Variants in ABL1 observed in about 807,000 individuals in gnomAD.
ABL1 encodes ABL proto-oncogene 1, non-receptor tyrosine kinase, also known as tyrosine-protein kinase ABL1.
A neutral mutation model predicts 94.7 loss-of-function variants in ABL1; 11 were observed. The ratio of observed to expected loss-of-function variants is 0.12; its 90% confidence interval spans 0.07 to 0.19. ABL1 has a LOEUF of 0.19. ABL1 is among the 10% of genes least tolerant of loss of function. ABL1 has a pLI of 1.00. For missense variants in ABL1, 1,082 were observed against 1,489.4 expected, an observed-to-expected ratio of 0.73 and a Z score of 4.50; for synonymous variants, 656 against 622.4, an observed-to-expected ratio of 1.05 and a Z score of -0.80.
At chr9:130,870,911 G>T (rs1452047813) in intron 4 of ABL1, among the ~76,000 whole-genome samples, 1 of 152,162 alleles carries the variant, frequency 6.6e-6, no homozygotes, top group Non-Finnish European at 1.5e-5. Flanking sequence ...AGGTTGGCCC[G>T]TCCTCTGGAA....
intron 1 of ABL1, among the ~76,000 whole-genome samples, chr9:130,799,576 G>C (rs1212648859): frequency 6.6e-6 from 1 of 152,144 alleles, no homozygotes; most frequent in Non-Finnish European, 1.5e-5. Context: ...ATACGGATTA[G>C]ATAATGGCAC....
intron 1 of ABL1, among the ~76,000 whole-genome samples, chr9:130,769,723 T>G (rs1475098829): frequency 1.3e-5 from 2 of 152,136 alleles, no homozygotes; most frequent in Non-Finnish European, 2.9e-5. Flanking sequence ...TTCCCCTTCT[T>G]TATTATACAG....
intron 1 of ABL1, among the ~76,000 whole-genome samples, chr9:130,741,585 AAC>A (rs1291861771): frequency 5.9e-5 from 9 of 151,898 alleles, no homozygotes; most frequent in Admixed American, 5.9e-4. Context: ...ATGCCAGAGT[AAC>A]AGTTACAGCA....
chr9:130,787,562 G>A (rs762054568), intron 1 of ABL1, among the ~76,000 whole-genome samples: 13 of 152,098 alleles, frequency 8.5e-5, no homozygotes, highest in African/African-American at 1.2e-4. Flanking sequence ...AGTGGATTAC[G>A]GCTTTTGCAT....
chr9:130,764,705 C>T (rs949587559), intron 1 of ABL1, among the ~76,000 whole-genome samples: 5 of 152,168 alleles, frequency 3.3e-5, no homozygotes, highest in African/African-American at 1.2e-4. Context: ...TGCCTGTAAT[C>T]CCAGCACTTT....
At chr9:130,855,878 G>A (rs1048775212) in intron 3 of ABL1, among the ~76,000 whole-genome samples, 3 of 152,098 alleles carry the variant, frequency 2.0e-5, no homozygotes, top group Non-Finnish European at 4.4e-5. Context: ...CTGTAGTTGA[G>A]GTACAGTGTT....
chr9:130,856,303 G>T (rs898486086), intron 3 of ABL1, among the ~76,000 whole-genome samples: 1 of 152,120 alleles, frequency 6.6e-6, no homozygotes, highest in Admixed American at 6.5e-5. Flanking sequence ...GGTCAGGCTG[G>T]TCTCAAACTC....
chr9:130,735,962 T>TG (rs1554757971), intron 1 of ABL1, among the ~76,000 whole-genome samples: 2 of 48,696 alleles, frequency 4.1e-5, no homozygotes, highest in Non-Finnish European at 6.2e-5. Context: ...TATATATATA[T>TG]TTTTTTTTTT....
chr9:130,868,960 G>A (rs1831204894), intron 4 of ABL1, among the ~76,000 whole-genome samples: 1 of 151,852 alleles, frequency 6.6e-6, no homozygotes, highest in African/African-American at 2.4e-5. Flanking sequence ...AAGGTCAGGA[G>A]ATCAAGACCA....
rs528489853 is a variant in ABL1, at chr9:130,714,936, AC to A, written c.136+483del. The stretch of plus-strand genomic sequence containing the variant: ...ATACTGGTTGACGCTAATATCCTTG[AC>A]CTTTTCCTTCGTAAGTAGGACTTGA... On this transcript the variant is annotated intron_variant, in intron 1 of 10. Transcript: ENST00000372348. 1.1e-3 allele frequency among the ~76,000 whole-genome samples: 160 copies of A among 152,286 alleles called. 1 individual carries two copies. Among genetic ancestry groups the A allele is most frequent in the Middle Eastern group, 3.4e-3 (1 of 294 alleles).
At chr9:130,851,259 T>C (rs139431159) in intron 1 of ABL1, among the ~76,000 whole-genome samples, 1 of 152,286 alleles carries the variant, frequency 6.6e-6, no homozygotes, top group African/African-American at 2.4e-5. Flanking sequence ...GGGCCAAACA[T>C]ATGACTAAGC....
At chr9:130,851,592 A>T (rs957922257) in intron 1 of ABL1, among the ~76,000 whole-genome samples, 8 of 151,924 alleles carry the variant, frequency 5.3e-5, no homozygotes, top group African/African-American at 1.9e-4. Flanking sequence ...TTTTTTAAAG[A>T]TAATTCAGAA....
chr9:130,864,951 G>A (rs1043806197), intron 4 of ABL1, among the ~76,000 whole-genome samples: 3 of 152,126 alleles, frequency 2.0e-5, no homozygotes, highest in Non-Finnish European at 4.4e-5. Flanking sequence ...TTCCAAGATC[G>A]GGTTGTACAA....
At chr9:130,763,916 A>C (rs1832148682) in intron 1 of ABL1, among the ~76,000 whole-genome samples, 1 of 152,184 alleles carries the variant, frequency 6.6e-6, no homozygotes, top group Admixed American at 6.5e-5. Context: ...TGAGCATCAT[A>C]ATGGCACGTG....
chr9:130,760,205 C>G (rs1389816363), intron 1 of ABL1, among the ~76,000 whole-genome samples: 2 of 152,032 alleles, frequency 1.3e-5, no homozygotes, highest in African/African-American at 4.8e-5. Flanking sequence ...ATTGCCTTGC[C>G]TGCAGATCAT....
intron 1 of ABL1, among the ~76,000 whole-genome samples, chr9:130,720,126 G>A (rs766395168): frequency 1.3e-5 from 2 of 152,154 alleles, no homozygotes; most frequent in African/African-American, 2.4e-5. Flanking sequence ...ATGACAGGTC[G>A]TGTTGTAGTC....
At chr9:130,768,519 T>A (rs2132763051) in intron 1 of ABL1, among the ~76,000 whole-genome samples, 1 of 152,244 alleles carries the variant, frequency 6.6e-6, no homozygotes, top group South Asian at 2.1e-4. Flanking sequence ...CTGAAAGGCC[T>A]CCCCAGAGCC....
At chr9:130,867,712 G>A (rs111969320) in intron 4 of ABL1, among the ~76,000 whole-genome samples, 5 of 152,344 alleles carry the variant, frequency 3.3e-5, no homozygotes, top group East Asian at 1.9e-4. Context: ...GCAGTTGTAC[G>A]CAGTGGCTCT....
chr9:130,804,451 G>A (rs577352431), intron 1 of ABL1, among the ~76,000 whole-genome samples: 1 of 152,226 alleles, frequency 6.6e-6, no homozygotes, highest in Admixed American at 6.5e-5. Flanking sequence ...TGGGCGTGTG[G>A]CGCATGCCTG....
Sources: gnomAD v4.1 joint callset for allele counts (sites outside exome capture counted in the v4.1 genomes callset) on GRCh38, gnomAD v4.1.1 for gene constraint, MANE v1.5 for transcripts, NCBI Gene and HGNC (gene_info 2026-07-23, HGNC 2026-07-21) for gene names.